TMEM135: variants seen among roughly 807,000 people sequenced by gnomAD.
The protein encoded by TMEM135 is transmembrane protein 135, also known as peroxisomal membrane protein 52.
A neutral mutation model predicts 60.3 loss-of-function variants in TMEM135; 30 were observed. The observed-to-expected ratio is 0.50, with a 90% CI of 0.37 to 0.68. The LOEUF is 0.68. Among genes scored for constraint, TMEM135 ranks in the 30% least tolerant of loss-of-function variants. The probability of loss-of-function intolerance (pLI) is 0.00; values close to 1 mark genes in which losing one functional copy is unlikely to be tolerated. For synonymous variants in TMEM135, 190 were observed against 186.7 expected (o/e 1.02, Z -0.14); for missense variants, 468 against 548.8 (o/e 0.85, Z 1.47).
intron 4 of TMEM135, among the ~76,000 whole-genome samples, chr11:87,106,126 C>T (rs1002117356): frequency 1.3e-5 from 2 of 150,638 alleles, no homozygotes; most frequent in African/African-American, 4.9e-5. Context: ...TTTTTTGAGA[C>T]AGAGTCTCTC....
intron 6 of TMEM135, among the ~76,000 whole-genome samples, chr11:87,285,242 CA>C (rs1942142328): frequency 6.6e-6 from 1 of 152,042 alleles, no homozygotes; most frequent in South Asian, 2.1e-4. Flanking sequence ...AAATTAATTA[CA>C]AAATCTAGTG....
chr11:87,054,054 G>C (rs760334072), intron 1 of TMEM135, among the ~76,000 whole-genome samples: 1 of 152,190 alleles, frequency 6.6e-6, no homozygotes, highest in Non-Finnish European at 1.5e-5. Flanking sequence ...GTGAGGCTCT[G>C]TCTTCCTCAT....
intron 5 of TMEM135, among the ~76,000 whole-genome samples, chr11:87,224,281 C>T (rs1056062805): frequency 1.3e-5 from 2 of 152,150 alleles, no homozygotes; most frequent in African/African-American, 4.8e-5. Flanking sequence ...AGTTAGAGGG[C>T]CACTGTTGGC....
At chr11:87,223,739 A>C (rs1206162333) in intron 5 of TMEM135, among the ~76,000 whole-genome samples, 1 of 151,524 alleles carries the variant, frequency 6.6e-6, no homozygotes, top group Non-Finnish European at 1.5e-5. Context: ...GATTCCAGCC[A>C]CTCTGGAGGC....
At chr11:87,059,178 C>T (rs1949922292) in intron 1 of TMEM135, among the ~76,000 whole-genome samples, 1 of 152,074 alleles carries the variant, frequency 6.6e-6, no homozygotes, top group South Asian at 2.1e-4. Flanking sequence ...CTCAGGCGAT[C>T]CACCTGCCTC....
At chr11:87,258,710 A>G (rs1941581984) in intron 6 of TMEM135, 2 of 386,158 alleles carry the variant, frequency 5.2e-6, no homozygotes, top group African/African-American at 2.1e-5. Flanking sequence ...TCATGAGACA[A>G]TGTGGGGAGA....
intron 4 of TMEM135, among the ~76,000 whole-genome samples, chr11:87,142,192 C>A (rs1174548084): frequency 6.6e-6 from 1 of 152,182 alleles, no homozygotes; most frequent in East Asian, 1.9e-4. Context: ...CATGGATGAG[C>A]TCGAGCAGGT....
chr11:87,224,120 T>G (rs895493594), intron 5 of TMEM135, among the ~76,000 whole-genome samples: 4 of 152,212 alleles, frequency 2.6e-5, no homozygotes, highest in African/African-American at 9.6e-5. Flanking sequence ...GTTACTCTGT[T>G]ATACTAATAT....
intron 1 of TMEM135, among the ~76,000 whole-genome samples, chr11:87,060,192 G>C (rs936692952): frequency 1.3e-5 from 2 of 152,182 alleles, no homozygotes; most frequent in East Asian, 3.8e-4. Flanking sequence ...GCTGGTTGTT[G>C]TCCAGTCTCT....
Position 87,314,557 on chromosome 11 carries a change from A to AT in TMEM135, c.1077+15dup, listed in dbSNP as rs1390131473. 6.2e-7 allele frequency: 1 copy of AT among 1,608,062 alleles called. No homozygotes were observed. ...GTCCAAATTGGTAGAGGTAAGCGAA[A>AT]TTTTTGTGCAAGAATAGTTCCAAAG... is the stretch of plus-strand genomic sequence containing the variant. On this transcript the variant is annotated intron_variant, in intron 12 of 14. Transcript: ENST00000305494.
At chr11:87,073,770 C>T (rs1046093114) in intron 3 of TMEM135, among the ~76,000 whole-genome samples, 12 of 151,760 alleles carry the variant, frequency 7.9e-5, no homozygotes, top group South Asian at 2.1e-4. Context: ...CAGGTTCAAG[C>T]GATTCTCCTG....
intron 4 of TMEM135, among the ~76,000 whole-genome samples, chr11:87,142,503 A>G (rs973740317): frequency 2.6e-5 from 4 of 152,134 alleles, no homozygotes; most frequent in African/African-American, 9.7e-5. Flanking sequence ...TGGATTGACA[A>G]TCCGGCATCT....
At chr11:87,191,443 G>C (rs1939796957) in intron 5 of TMEM135, among the ~76,000 whole-genome samples, 1 of 152,048 alleles carries the variant, frequency 6.6e-6, no homozygotes, top group Non-Finnish European at 1.5e-5. Context: ...GAGTTTCACA[G>C]TGTTAGCCAG....
At chr11:87,130,427 A>G (rs1486212893) in intron 4 of TMEM135, among the ~76,000 whole-genome samples, 2 of 152,178 alleles carry the variant, frequency 1.3e-5, no homozygotes, top group Non-Finnish European at 2.9e-5. Context: ...TTTGAAAGTA[A>G]TGTTCTATTG....
intron 1 of TMEM135, among the ~76,000 whole-genome samples, chr11:87,065,404 A>G (rs905126381): frequency 3.3e-5 from 5 of 152,102 alleles, no homozygotes; most frequent in African/African-American, 1.2e-4. Flanking sequence ...GTAACACCTC[A>G]TTGTGGCTTT....
intron 4 of TMEM135, among the ~76,000 whole-genome samples, chr11:87,153,336 G>A: frequency 6.6e-6 from 1 of 152,084 alleles, no homozygotes; most frequent in East Asian, 1.9e-4. Flanking sequence ...CTACCTACAG[G>A]CTCTTGTGGT....
At chr11:87,098,780 C>T (rs2135180016) in intron 4 of TMEM135, among the ~76,000 whole-genome samples, 1 of 152,182 alleles carries the variant, frequency 6.6e-6, no homozygotes, top group Middle Eastern at 3.4e-3. Context: ...GCTCCGCCTC[C>T]TGGGTTCATG....
chr11:87,085,594 C>T (rs1857080233), intron 3 of TMEM135, among the ~76,000 whole-genome samples: 1 of 151,924 alleles, frequency 6.6e-6, no homozygotes, highest in South Asian at 2.1e-4. Flanking sequence ...TTGCTCTACC[C>T]AAAATACAAA....
In TMEM135 at chr11:87,321,969, C is replaced by A. The variant is rs746923971; in HGVS notation, c.*636C>A. On this transcript the variant is annotated 3_prime_UTR_variant, in exon 15 of 15. Coordinates refer to ENST00000305494, the MANE Select transcript of TMEM135 (RefSeq NM_022918.4). ...CATGCTTTTTTTCAACTAATAACAT[C>A]ATCTCTCTTCATGACCAGTTAATTG... 2.2e-6 allele frequency: 1 copy of A among 454,328 alleles called. No homozygotes were observed. The highest frequency in any genetic ancestry group is 1.6e-5 in the South Asian group (1 of 64,454). The allele number at this position is 454,328 out of a possible 1,614,324, so 28.1% of individuals were successfully genotyped here.
Sources: gnomAD v4.1 joint callset for allele counts (sites outside exome capture counted in the v4.1 genomes callset) on GRCh38, gnomAD v4.1.1 for gene constraint, MANE v1.5 for transcripts, NCBI Gene and HGNC (gene_info 2026-07-23, HGNC 2026-07-21) for gene names.